MMP26: variants seen among roughly 807,000 people sequenced by gnomAD.
MMP26 encodes matrix metallopeptidase 26, also known as matrix metalloproteinase-26.
In MMP26, 33 loss-of-function variants were observed where a neutral mutation model predicts 31.0. The ratio of observed to expected loss-of-function variants is 1.06; its 90% CI spans 0.81 to 1.42. The LOEUF (loss-of-function observed/expected upper bound fraction) is 1.42. Among genes scored for constraint, MMP26 ranks in the 40% most tolerant of loss-of-function variants. The pLI, the probability that MMP26 is intolerant of heterozygous loss-of-function variation, is 0.00. For missense variants in MMP26, 347 were observed against 316.1 expected (o/e 1.10, Z -0.74); for synonymous variants, 122 against 114.9 (o/e 1.06, Z -0.40).
intron 2 of MMP26, chr11:4,944,266 C>A: frequency 4.3e-6 from 1 of 230,018 alleles, no homozygotes. Context: ...ATAATACTAT[C>A]CTGGAGCATC....
At chr11:4,895,133 A>G (rs1246045041) in intron 2 of MMP26, among the ~76,000 whole-genome samples, 1 of 152,182 alleles carries the variant, frequency 6.6e-6, no homozygotes, top group Non-Finnish European at 1.5e-5. Context: ...AATTAAATTG[A>G]TTTTGTAAAG....
chr11:4,960,772 A>G (rs1218208106), intron 2 of MMP26, among the ~76,000 whole-genome samples: 1 of 152,152 alleles, frequency 6.6e-6, no homozygotes, highest in African/African-American at 2.4e-5. Context: ...AAGGGGATTT[A>G]TTTGAGAAAT....
chr11:4,864,867 T>A (rs1233055118), intron 2 of MMP26, among the ~76,000 whole-genome samples: 1 of 152,150 alleles, frequency 6.6e-6, no homozygotes. Context: ...ATCGGGAGCT[T>A]AATCCATCAA....
chr11:4,770,492 A>G (rs1848701757), intron 2 of MMP26, among the ~76,000 whole-genome samples: 1 of 152,212 alleles, frequency 6.6e-6, no homozygotes, highest in Non-Finnish European at 1.5e-5. Flanking sequence ...AGAACTCTCC[A>G]GAAGACTGGA....
chr11:4,726,719 CT>C (rs1459737843), intron 1 of MMP26, among the ~76,000 whole-genome samples: 2 of 152,034 alleles, frequency 1.3e-5, no homozygotes, highest in African/African-American at 4.8e-5. Flanking sequence ...TTAAGTAGGA[CT>C]TTTTGGCCCA....
chr11:4,856,833 C>G (rs562811489), intron 2 of MMP26, among the ~76,000 whole-genome samples: 4 of 152,162 alleles, frequency 2.6e-5, no homozygotes, highest in Non-Finnish European at 5.9e-5. Flanking sequence ...TAAAGCACTC[C>G]TCAGCAAATG....
intron 2 of MMP26, among the ~76,000 whole-genome samples, chr11:4,956,899 T>C (rs1045468904): frequency 6.6e-6 from 1 of 152,238 alleles, no homozygotes; most frequent in Non-Finnish European, 1.5e-5. Context: ...AATTAAATTG[T>C]TTTACTTACT....
At chr11:4,921,741 G>T (rs1230508024) in intron 2 of MMP26, among the ~76,000 whole-genome samples, 1 of 152,214 alleles carries the variant, frequency 6.6e-6, no homozygotes, top group Non-Finnish European at 1.5e-5. Flanking sequence ...TTATGCAAAA[G>T]CGGTTATGTT....
intron 2 of MMP26, chr11:4,944,132 T>G: frequency 2.2e-6 from 1 of 455,912 alleles, no homozygotes; most frequent in Middle Eastern, 3.3e-4. Flanking sequence ...GGTAGATAGA[T>G]ACAGTTATGC....
chr11:4,946,035 TA>T (rs1253636051), intron 2 of MMP26: 1 of 887,958 alleles, frequency 1.1e-6, no homozygotes, highest in Non-Finnish European at 1.7e-6. Context: ...CCAGAGTGAA[TA>T]AAATAACTCT....
Position 4,714,764 on chromosome 11 carries a change from T to G in MMP26, c.-217+9719T>G, listed in dbSNP as rs143899324. 1.8e-4 allele frequency among the ~76,000 whole-genome samples: 28 copies of G among 152,254 alleles called. 3 individuals are homozygous for G. Among genetic ancestry groups the G allele is most frequent in the African/African-American group, 6.7e-4 (28 of 41,534 alleles). ...AGTCAAGGTAGCCCAGGAAATAACT[T>G]GAAACACATTCTTACAATGGGCCTG... On this transcript the variant is annotated intron_variant, in intron 1 of 7. Transcript: ENST00000380390.
Position 4,769,136 on chromosome 11 carries a change from G to T in MMP26, c.-145+1795G>T. 4 of 1,611,912 alleles carry T rather than the reference G, an allele frequency of 2.5e-6. No homozygotes were observed. In the South Asian group the frequency reaches 4.4e-5, roughly 18 times the overall value. On this transcript the variant is annotated intron_variant, in intron 2 of 7. Coordinates refer to ENST00000380390, the MANE Select transcript of MMP26 (RefSeq NM_021801.5). ...TGACCGACCATAGCGATACACCAAG[G>T]ACAGGCTCAGCATGTGGATGTAGAA...
chr11:4,747,956 A>G (rs1848400724), intron 1 of MMP26, among the ~76,000 whole-genome samples: 2 of 152,116 alleles, frequency 1.3e-5, no homozygotes, highest in Admixed American at 6.6e-5. Context: ...TCTGAGCAGA[A>G]CTAAATGGAA....
At position 4,907,815 on chromosome 11, in the gene MMP26, C is replaced by A. The variant is rs377602088; in HGVS notation, c.-144-80253C>A. The A allele has an allele frequency of 1.9e-6, 3 of 1,613,734 alleles. No individual in the cohort carries two copies. The South Asian group carries it at 3.3e-5, about 18-fold the overall frequency. ...GTTGCTAAAATGGGACTTATTTTAG[C>A]CATTAGGAGCATTCTCTTAGTGATT... is the stretch of plus-strand genomic sequence containing the variant. On this transcript the variant is annotated intron_variant, in intron 2 of 7. Coordinates refer to ENST00000380390, the MANE Select transcript of MMP26 (RefSeq NM_021801.5).
At chr11:4,901,149 CTTTTTTTT>C (rs55678976) in intron 2 of MMP26, among the ~76,000 whole-genome samples, 2 of 84,518 alleles carry the variant, frequency 2.4e-5, no homozygotes, top group Non-Finnish European at 4.3e-5. Flanking sequence ...CCTCTTTGTG[CTTTTTTTT>C]TTTTTTTTTT....
intron 2 of MMP26, among the ~76,000 whole-genome samples, chr11:4,776,094 G>A (rs1848787923): frequency 1.3e-5 from 2 of 152,050 alleles, no homozygotes; most frequent in African/African-American, 2.4e-5. Context: ...ATGGCCTCCA[G>A]TTTCATCCAT....
At chr11:4,940,167 C>A (rs866971688) in intron 2 of MMP26, among the ~76,000 whole-genome samples, 1 of 151,812 alleles carries the variant, frequency 6.6e-6, no homozygotes, top group Non-Finnish European at 1.5e-5. Flanking sequence ...TTATTTTATC[C>A]ATTTTATACA....
intron 2 of MMP26, chr11:4,859,932 G>A (rs1349812507): frequency 1.7e-5 from 8 of 470,988 alleles, no homozygotes; most frequent in African/African-American, 6.0e-5. Flanking sequence ...GGAGAACATC[G>A]AGCCCCAGTG....
chr11:4,871,350 T>C (rs1850307738), intron 2 of MMP26, among the ~76,000 whole-genome samples: 1 of 152,126 alleles, frequency 6.6e-6, no homozygotes, highest in Non-Finnish European at 1.5e-5. Context: ...CAATGGCGTG[T>C]GAAACAAGGG....
Sources: gnomAD v4.1 joint callset for allele counts (sites outside exome capture counted in the v4.1 genomes callset) on GRCh38, gnomAD v4.1.1 for gene constraint, MANE v1.5 for transcripts, NCBI Gene and HGNC (gene_info 2026-07-23, HGNC 2026-07-21) for gene names.